NUDT7: variants seen among roughly 807,000 people sequenced by gnomAD.
NUDT7 encodes peroxisomal coenzyme A diphosphatase NUDT7.
A neutral mutation model predicts 13.1 loss-of-function variants in NUDT7; 19 were observed. The ratio of observed to expected loss-of-function variants is 1.45; its 90% CI spans 1.01 to 2.13. NUDT7 has a LOEUF of 2.13. Ranked by LOEUF, NUDT7 falls within the 30% of genes most tolerant of loss-of-function variation. The pLI is 0.00. For synonymous variants in NUDT7, 132 were observed against 109.7 expected (o/e 1.20, Z -1.27); for missense variants, 360 against 291.7 (o/e 1.23, Z -1.71).
intron 1 of NUDT7, among the ~76,000 whole-genome samples, chr16:77,724,846 C>T (rs780290438): frequency 6.6e-6 from 1 of 152,152 alleles, no homozygotes; most frequent in African/African-American, 2.4e-5. Flanking sequence ...AATGTGTTCC[C>T]CTGTCCACAG....
At chr16:77,728,383 C>A (rs1318622889) in intron 2 of NUDT7, among the ~76,000 whole-genome samples, 1 of 152,146 alleles carries the variant, frequency 6.6e-6, no homozygotes, top group Non-Finnish European at 1.5e-5. Flanking sequence ...CAGGTGCACG[C>A]CACCACGCCT....
chr16:77,739,471 A>G (rs554161415), intron 3 of NUDT7, among the ~76,000 whole-genome samples: 1 of 152,312 alleles, frequency 6.6e-6, no homozygotes, highest in South Asian at 2.1e-4. Flanking sequence ...GTATCTTTTA[A>G]CATTCTAATG....
In NUDT7 at chr16:77,741,964, G is replaced by C. The variant is rs2014682384; in HGVS notation, c.*14G>C. On this transcript the variant is annotated 3_prime_UTR_variant, in exon 4 of 4. Transcript: ENST00000268533. ...AGCAGGTTATGATTTACTAGAGCAAGAGACAAAGAACTATTCACGAGGATT... is the reference window on the plus strand; with the variant it reads ...AGCAGGTTATGATTTACTAGAGCAACAGACAAAGAACTATTCACGAGGATT... 2 of 1,565,286 alleles carry C rather than the reference G, an allele frequency of 1.3e-6. No individual in the cohort carries two copies. Among genetic ancestry groups the C allele is most frequent in the Admixed American group, 1.9e-5 (1 of 53,884 alleles).
At chr16:77,724,844 C>T (rs150329347) in intron 1 of NUDT7, among the ~76,000 whole-genome samples, 1,967 of 152,286 alleles carry the variant, frequency 0.013, 30 homozygotes, top group Middle Eastern at 0.02. Flanking sequence ...AGAATGTGTT[C>T]CCCTGTCCAC....
At chr16:77,732,367 C>A (rs1597115129) in intron 2 of NUDT7, among the ~76,000 whole-genome samples, 1 of 151,982 alleles carries the variant, frequency 6.6e-6, no homozygotes, top group Admixed American at 6.6e-5. Context: ...TATAAACATA[C>A]TATAGCCTAA....
chr16:77,741,526 A>AT, intron 3 of NUDT7, 56 bp from the exon 4 acceptor site: 7 of 1,507,472 alleles, frequency 4.6e-6, no homozygotes, highest in Non-Finnish European at 6.2e-6. Flanking sequence ...TGATTTTAGG[A>AT]TTTGAAGCAG....
At chr16:77,735,641 A>G in intron 2 of NUDT7, 187 bp from the exon 3 acceptor site, 1 of 635,890 alleles carries the variant, frequency 1.6e-6, no homozygotes, top group East Asian at 2.5e-5. Flanking sequence ...AGTGAGAAAA[A>G]TTTTCAAGGT....
intron 2 of NUDT7, among the ~76,000 whole-genome samples, chr16:77,726,972 G>C (rs2014157851): frequency 6.6e-6 from 1 of 152,112 alleles, no homozygotes; most frequent in African/African-American, 2.4e-5. Context: ...GCAGGAGCAA[G>C]AGAGAGAGCA....
intron 1 of NUDT7, 58 bp downstream of exon 1, chr16:77,722,675 G>C (rs1198468334): frequency 1.3e-6 from 2 of 1,514,086 alleles, no homozygotes; most frequent in Non-Finnish European, 1.8e-6. Context: ...CTTGATCGTA[G>C]CGGAGGCCAC....
chr16:77,741,002 A>G (rs1296169166), intron 3 of NUDT7, among the ~76,000 whole-genome samples: 1 of 152,240 alleles, frequency 6.6e-6, no homozygotes, highest in African/African-American at 2.4e-5. Flanking sequence ...TTTTCCATAA[A>G]TGGGAATATG....
At chr16:77,728,190 C>T (rs17773475) in intron 2 of NUDT7, among the ~76,000 whole-genome samples, 12,020 of 152,132 alleles carry the variant, frequency 0.079, 523 homozygotes, top group East Asian at 0.14. Context: ...GTGGGTTAAC[C>T]CTTCTCAAAT....
chr16:77,728,575 C>T (rs542758456), intron 2 of NUDT7, among the ~76,000 whole-genome samples: 1 of 152,308 alleles, frequency 6.6e-6, no homozygotes, highest in African/African-American at 2.4e-5. Flanking sequence ...TCGGTTTTCT[C>T]ATCCCTAAAA....
At chr16:77,723,656 A>G (rs1038125647) in intron 1 of NUDT7, among the ~76,000 whole-genome samples, 3 of 146,678 alleles carry the variant, frequency 2.0e-5, no homozygotes, top group Admixed American at 7.0e-5. Context: ...GCAGTAGGCA[A>G]TCTCGGCTCA....
intron 3 of NUDT7, among the ~76,000 whole-genome samples, chr16:77,739,263 C>T (rs2014583918): frequency 1.3e-5 from 2 of 152,176 alleles, no homozygotes; most frequent in Admixed American, 1.3e-4. Flanking sequence ...CATAACAGAG[C>T]AACAGCATGT....
rs1316034473 is a variant in NUDT7, at chr16:77,733,118, TA to T, written c.190-2701del. Reference sequence around the variant, plus strand: ...CCTGATTTATCAGCACAGAAGGACTTAAAAAAAAATTTTTAAGTCTTGCCCA... The same window carrying T: ...CCTGATTTATCAGCACAGAAGGACTTAAAAAAAATTTTTAAGTCTTGCCCA... On this transcript the variant is annotated intron_variant, in intron 2 of 3. Transcript: ENST00000268533. Among the ~76,000 whole-genome samples the T allele has an allele frequency of 1.4e-4, 22 of 152,086 alleles. 1 individual carries two copies. The East Asian group carries it at 2.1e-3, about 15-fold the overall frequency.
intron 2 of NUDT7, 162 bp downstream of exon 2, chr16:77,725,746 T>C (rs2014115859): frequency 3.2e-6 from 2 of 617,046 alleles, no homozygotes. Flanking sequence ...ACATGGTGTT[T>C]CTTGGAGAAG....
At chr16:77,724,124 G>A (rs2014052391) in intron 1 of NUDT7, among the ~76,000 whole-genome samples, 1 of 152,136 alleles carries the variant, frequency 6.6e-6, no homozygotes, top group African/African-American at 2.4e-5. Flanking sequence ...AGAAGGCTCT[G>A]GGGGTGACCT....
At chr16:77,731,846 A>G (rs1318983357) in intron 2 of NUDT7, among the ~76,000 whole-genome samples, 1 of 152,042 alleles carries the variant, frequency 6.6e-6, no homozygotes. Context: ...GAAAGTTTAA[A>G]AAGAAAAAAA....
intron 2 of NUDT7, among the ~76,000 whole-genome samples, chr16:77,729,220 T>G (rs904466168): frequency 2.6e-5 from 4 of 152,216 alleles, no homozygotes; most frequent in African/African-American, 9.6e-5. Flanking sequence ...CAGCGTAATA[T>G]TTTCTTTTTT....
Sources: allele counts gnomAD v4.1 joint callset (sites outside exome capture counted in the v4.1 genomes callset), GRCh38; gene constraint gnomAD v4.1.1; transcripts MANE v1.5; gene names NCBI Gene and HGNC (gene_info 2026-07-23, HGNC 2026-07-21).